DPH6: variants seen among roughly 807,000 people sequenced by gnomAD.
DPH6 encodes the protein diphthamine biosynthesis 6.
DPH6 carries 33 observed loss-of-function variants against 38.2 expected under a neutral mutation model. The ratio of observed to expected loss-of-function variants is 0.86; its 90% CI spans 0.65 to 1.15. DPH6 has a LOEUF of 1.15. Ranked by LOEUF, DPH6 falls within the 50% of genes most tolerant of loss-of-function variation. The pLI is 0.00. For synonymous variants in DPH6, 108 were observed against 103.0 expected (o/e 1.05, Z -0.30); for missense variants, 325 against 320.0 (o/e 1.02, Z -0.12).
chr15:35,434,159 G>C (rs1015535123), intron 5 of DPH6, among the ~76,000 whole-genome samples: 6 of 152,114 alleles, frequency 3.9e-5, no homozygotes, highest in Non-Finnish European at 8.8e-5. Context: ...TTGAGTCAAA[G>C]GTCAGTCGTT....
At chr15:35,367,704 T>G (rs2140914883), downstream of DPH6, among the ~76,000 whole-genome samples, 1 of 151,954 alleles carries the variant, frequency 6.6e-6, no homozygotes, top group Non-Finnish European at 1.5e-5. Context: ...AACTTAAAGG[T>G]AAAATTTAAG....
intron 3 of DPH6, among the ~76,000 whole-genome samples, chr15:35,248,627 A>G (rs1453226969): frequency 1.3e-5 from 2 of 152,218 alleles, no homozygotes; most frequent in Non-Finnish European, 2.9e-5. Context: ...GGGTCACTCA[A>G]TCTGAAGGCT....
intron 3 of DPH6, among the ~76,000 whole-genome samples, chr15:35,486,866 T>C (rs1404555818): frequency 6.6e-6 from 1 of 152,040 alleles, no homozygotes; most frequent in Non-Finnish European, 1.5e-5. Flanking sequence ...TAAAATAAAA[T>C]ACAAATTAGT....
At chr15:35,419,935 G>A (rs1252397592) in intron 5 of DPH6, among the ~76,000 whole-genome samples, 4 of 152,048 alleles carry the variant, frequency 2.6e-5, no homozygotes, top group African/African-American at 7.2e-5. Flanking sequence ...TAGGCCAAAG[G>A]AACCTAATAG....
Position 35,263,743 on chromosome 15 carries a change from G to T in DPH6, n.201-43161C>A, listed in dbSNP as rs549604641. Among the ~76,000 whole-genome samples the T allele has an allele frequency of 7.9e-4, 119 of 150,730 alleles. 1 individual carries two copies. Among genetic ancestry groups the T allele is most frequent in the Middle Eastern group, 6.9e-3 (2 of 288 alleles). On this transcript the variant is annotated intron_variant and non_coding_transcript_variant, in intron 3 of 3. Transcript: ENST00000560386. ...TCTTTTTTTTTTGAGACAGAGTCTC[G>T]CTCTGTCACTCAGGCTGGAGTGCAG...
At chr15:35,330,242 T>C (rs2052317156), downstream of DPH6, among the ~76,000 whole-genome samples, 1 of 152,170 alleles carries the variant, frequency 6.6e-6, no homozygotes, top group South Asian at 2.1e-4. Flanking sequence ...GAAGATTTTA[T>C]GGGCCAATCT....
At chr15:35,538,500 AG>A in intron 2 of DPH6, 33 bp from the exon 3 acceptor site, 5 of 1,434,608 alleles carry the variant, frequency 3.5e-6, no homozygotes, top group Non-Finnish European at 4.7e-6. Flanking sequence ...AATTAGCAAA[AG>A]AGAGTGAAAA....
chr15:35,356,338 C>T (rs1398807636), intron 3 of DPH6, among the ~76,000 whole-genome samples: 1 of 152,152 alleles, frequency 6.6e-6, no homozygotes, highest in African/African-American at 2.4e-5. Context: ...AGCTGCATTC[C>T]TTTGAAGGAG....
intron 7 of DPH6, among the ~76,000 whole-genome samples, chr15:35,376,687 A>C (rs1246560089): frequency 6.6e-6 from 1 of 152,106 alleles, no homozygotes; most frequent in Admixed American, 6.6e-5. Context: ...CCATTTAAAA[A>C]ATTTTTTATA....
the DPH6 span, among the ~76,000 whole-genome samples, chr15:35,173,332 C>T: frequency 3.3e-5 from 5 of 152,274 alleles, no homozygotes; most frequent in South Asian, 1.0e-3. Flanking sequence ...CACCTCATTC[C>T]AGGCAGCCAA....
intron 5 of DPH6, among the ~76,000 whole-genome samples, chr15:35,447,817 C>T (rs766177489): frequency 5.3e-5 from 8 of 152,046 alleles, no homozygotes; most frequent in African/African-American, 9.7e-5. Flanking sequence ...AAAAAATCTA[C>T]GAAATGGGAA....
At chr15:35,280,703 A>G (rs1275003182) in intron 3 of DPH6, among the ~76,000 whole-genome samples, 1 of 152,208 alleles carries the variant, frequency 6.6e-6, no homozygotes, top group Non-Finnish European at 1.5e-5. Flanking sequence ...ACTAAAACCT[A>G]ATGCATTATT....
intron 5 of DPH6, among the ~76,000 whole-genome samples, chr15:35,433,094 T>C (rs755979909): frequency 3.3e-5 from 5 of 152,182 alleles, no homozygotes; most frequent in Non-Finnish European, 5.9e-5. Context: ...TATATAATTG[T>C]GTCAAAGAAG....
chr15:35,314,466 G>A (rs905068215), intron 3 of DPH6, among the ~76,000 whole-genome samples: 13 of 152,114 alleles, frequency 8.5e-5, no homozygotes, highest in African/African-American at 1.2e-4. Flanking sequence ...ATAAAGCAGC[G>A]GAGACAACTT....
the DPH6 span, among the ~76,000 whole-genome samples, chr15:35,153,433 A>G: frequency 6.6e-6 from 1 of 152,188 alleles, no homozygotes; most frequent in Admixed American, 6.5e-5. Context: ...GTGTCGAACT[A>G]AAGAAAAAAT....
intron 3 of DPH6, among the ~76,000 whole-genome samples, chr15:35,353,217 C>A (rs1189371582): frequency 6.6e-6 from 1 of 152,102 alleles, no homozygotes; most frequent in East Asian, 1.9e-4. Context: ...AATTTTCTCC[C>A]ATTCTGTAGG....
Position 35,523,237 on chromosome 15 carries a change from ATTCTT to A in DPH6, c.312+15032_312+15036del, listed in dbSNP as rs1448911040. Among the ~76,000 whole-genome samples, 177 of 110,916 alleles carry A rather than the reference ATTCTT, an allele frequency of 1.6e-3. 1 individual carries two copies. Among genetic ancestry groups the A allele is most frequent in the Admixed American group, 2.6e-3 (22 of 8,308 alleles). The allele number at this position is 110,916 out of a possible 152,430, so 72.8% of individuals were successfully genotyped here. ...CATTTTTGAGTTAGTGAAGTTACAC[ATTCTT>A]TTTTTTTTTTTTTTTTTGGTCATTT... On this transcript the variant is annotated intron_variant, in intron 3 of 8. Transcript: ENST00000256538.
chr15:35,440,891 T>G (rs2053778976), intron 5 of DPH6, among the ~76,000 whole-genome samples: 1 of 152,074 alleles, frequency 6.6e-6, no homozygotes, highest in Admixed American at 6.5e-5. Flanking sequence ...GGGAGAAAAT[T>G]TTTGCAATCT....
At chr15:35,189,149 G>C in the DPH6 span, among the ~76,000 whole-genome samples, 5 of 152,002 alleles carry the variant, frequency 3.3e-5, no homozygotes, top group African/African-American at 4.8e-5. Context: ...TGCATTTAAT[G>C]ACTTGACATT....
Sources: allele counts gnomAD v4.1 joint callset (sites outside exome capture counted in the v4.1 genomes callset), GRCh38; gene constraint gnomAD v4.1.1; transcripts MANE v1.5; gene names NCBI Gene and HGNC (gene_info 2026-07-23, HGNC 2026-07-21).